Variants in PCDHA6 observed in about 807,000 individuals in gnomAD.
PCDHA6 encodes the protein protocadherin alpha-6.
PCDHA6 carries 55 observed loss-of-function variants against 60.3 expected under a neutral mutation model. The ratio of observed to expected loss-of-function variants is 0.91; its 90% CI spans 0.73 to 1.14. PCDHA6 has a LOEUF of 1.14. PCDHA6 is among the 50% of genes most tolerant of loss of function. The pLI is 0.00. For missense variants in PCDHA6, 1,327 were observed against 1,256.5 expected, an observed-to-expected ratio of 1.06 and a Z score of -0.85; for synonymous variants, 652 against 557.9, an observed-to-expected ratio of 1.17 and a Z score of -2.38.
rs2150527140 is a variant in PCDHA6 at position 140,853,018 on chromosome 5, A to G, written c.2394+22533A>G. 8 of 268,768 alleles carry G rather than the reference A, an allele frequency of 3.0e-5. No homozygotes were observed. In the East Asian group the frequency reaches 8.8e-4, roughly 30 times the overall value. 16.6% of individuals were successfully genotyped at this position (268,768 alleles called of 1,614,324 possible). A position where few individuals can be genotyped will look rare whatever the true frequency, so the allele number is the denominator to read the frequency against. ...CTCAGCCTCCCGAGTAGCTGGGACT[A>G]CAGGCGCCTGCCACCATGCCCGCCT... On this transcript the variant is annotated intron_variant, in intron 1 of 3. Coordinates refer to ENST00000529310, the MANE Select transcript of PCDHA6 (RefSeq NM_018909.4).
chr5:140,934,926 G>A lies in PCDHA6; in HGVS notation c.2395-44023G>A, dbSNP rs1054459840. Among the ~76,000 whole-genome samples, 3 of 152,116 alleles carry A rather than the reference G, an allele frequency of 2.0e-5. No homozygotes were observed. In the East Asian group the frequency reaches 5.8e-4, roughly 29 times the overall value. On this transcript the variant is annotated intron_variant, in intron 1 of 3. Transcript: ENST00000529310. ...TGGAATAATTATGGATTCACATAAA[G>A]TTACAAAACTAGTATAGAGAGATCC...
chr5:140,830,319 G>A lies in PCDHA6; in HGVS notation c.2228G>A (p.Ser743Asn). 6.2e-7 allele frequency: 1 copy of A among 1,614,036 alleles called. No homozygotes were observed. Among genetic ancestry groups the A allele is most frequent in the Non-Finnish European group, 8.5e-7 (1 of 1,179,952 alleles). Residue 743 changes from serine (S) to asparagine (N), a missense_variant, in exon 1 of 4, where the codon AGC (serine) becomes AAC (asparagine). Ser to Asn is a conservative substitution (Grantham distance 46). Transcript: ENST00000529310. ...TADKPTLVCS[S>N]AVGSWSYSQQ... ...GACAAGCCCACGCTGGTGTGCTCCA[G>A]CGCAGTGGGGAGCTGGTCGTACTCG...
At chr5:140,991,595 C>G (rs181014489) in intron 3 of PCDHA6, among the ~76,000 whole-genome samples, 1 of 152,328 alleles carries the variant, frequency 6.6e-6, no homozygotes, top group African/African-American at 2.4e-5. Flanking sequence ...TACCTGAGCC[C>G]TCACTGGCAG....
At chr5:140,894,710 G>A (rs1032103787) in intron 1 of PCDHA6, among the ~76,000 whole-genome samples, 1 of 151,116 alleles carries the variant, frequency 6.6e-6, no homozygotes, top group Non-Finnish European at 1.5e-5. Context: ...TGTTTAAGTT[G>A]TTTTCAAATA....
At chr5:140,882,629 G>C in intron 1 of PCDHA6, 1 of 1,614,254 alleles carries the variant, frequency 6.2e-7, no homozygotes, top group Non-Finnish European at 8.5e-7. Context: ...CCATGTGGAG[G>C]TGAAGGTGAG....
chr5:140,944,472 G>C (rs1554216383), intron 1 of PCDHA6, among the ~76,000 whole-genome samples: 2 of 152,220 alleles, frequency 1.3e-5, no homozygotes, highest in Non-Finnish European at 2.9e-5. Context: ...CAGGTATGAG[G>C]CACTGGACTG....
At chr5:140,962,928 A>G (rs1447478531) in intron 1 of PCDHA6, among the ~76,000 whole-genome samples, 5 of 152,186 alleles carry the variant, frequency 3.3e-5, no homozygotes, top group African/African-American at 1.2e-4. Flanking sequence ...GATACTTCTC[A>G]ACCTCCTCTC....
chr5:140,844,193 C>G (rs2150369320), intron 1 of PCDHA6, among the ~76,000 whole-genome samples: 1 of 149,542 alleles, frequency 6.7e-6, no homozygotes, highest in East Asian at 1.9e-4. Flanking sequence ...TCTTATCTGA[C>G]TTTTTAGTGT....
intron 1 of PCDHA6, among the ~76,000 whole-genome samples, chr5:140,880,163 AGAAGTTAAACAT>A (rs2058253523): frequency 6.6e-6 from 1 of 152,260 alleles, no homozygotes; most frequent in Admixed American, 6.5e-5. Flanking sequence ...AGTATATGTT[AGAAGTTAAACAT>A]GAAGGGAAAA....
chr5:140,997,567 G>A (rs1163598467), intron 3 of PCDHA6, among the ~76,000 whole-genome samples: 1 of 152,130 alleles, frequency 6.6e-6, no homozygotes, highest in Non-Finnish European at 1.5e-5. Flanking sequence ...ACTGTCATAT[G>A]TGTGGTCCGT....
chr5:140,835,845 G>C, intron 1 of PCDHA6: 2 of 1,612,312 alleles, frequency 1.2e-6, no homozygotes, highest in Non-Finnish European at 1.7e-6. Context: ...GCAGAAGAAC[G>C]CGCTGGTGTC....
At chr5:140,968,661 T>C (rs1554230945) in intron 1 of PCDHA6, 1 of 1,614,182 alleles carries the variant, frequency 6.2e-7, no homozygotes, top group East Asian at 2.2e-5. Flanking sequence ...GACCTGGACC[T>C]CTTTAAGGTA....
chr5:140,876,195 G>A (rs1554168359), intron 1 of PCDHA6: 2 of 1,613,944 alleles, frequency 1.2e-6, no homozygotes, highest in Admixed American at 1.7e-5. Flanking sequence ...ATGGTCCGGC[G>A]TTTGATAAGC....
chr5:140,954,025 C>A (rs533473552), intron 1 of PCDHA6, among the ~76,000 whole-genome samples: 1 of 152,072 alleles, frequency 6.6e-6, no homozygotes, highest in African/African-American at 2.4e-5. Context: ...CATAGTGGGA[C>A]GATGTGGTAT....
intron 1 of PCDHA6, among the ~76,000 whole-genome samples, chr5:140,855,580 ATAT>A (rs1320529577): frequency 6.7e-6 from 1 of 149,924 alleles, no homozygotes; most frequent in Non-Finnish European, 1.5e-5. Flanking sequence ...ATTTAATAAA[ATAT>A]TAGTATACTC....
chr5:141,007,348 C>T (rs1300636691), intron 3 of PCDHA6, among the ~76,000 whole-genome samples: 3 of 142,438 alleles, frequency 2.1e-5, no homozygotes, highest in African/African-American at 5.3e-5. Context: ...CTCAGGAGTT[C>T]GAGACCAGCC....
chr5:140,989,132 C>T (rs943262599), intron 3 of PCDHA6: 2 of 152,216 alleles, frequency 1.3e-5, no homozygotes, highest in Admixed American at 1.3e-4. Context: ...AAATAAGACA[C>T]TTTATCCCTT....
At chr5:140,925,084 A>AGGAAGGAAGGAAGGAAGGAAGGAG (rs1554202501) in intron 1 of PCDHA6, among the ~76,000 whole-genome samples, 2 of 144,612 alleles carry the variant, frequency 1.4e-5, no homozygotes, top group African/African-American at 5.6e-5. Context: ...TCATCTGGAA[A>AGGAAGGAAGGAAGGAAGGAAGGAG]GGAAGGAAGG....
At chr5:140,993,337 G>A (rs2097550534) in intron 3 of PCDHA6, among the ~76,000 whole-genome samples, 1 of 151,924 alleles carries the variant, frequency 6.6e-6, no homozygotes, top group African/African-American at 2.4e-5. Context: ...GTGATTTGAA[G>A]GGCACTACGA....
Sources: allele counts gnomAD v4.1 joint callset (sites outside exome capture counted in the v4.1 genomes callset), GRCh38; gene constraint gnomAD v4.1.1; transcripts MANE v1.5; gene names NCBI Gene and HGNC (gene_info 2026-07-23, HGNC 2026-07-21).